UGT1A8: variants seen among roughly 807,000 people sequenced by gnomAD.
The protein encoded by UGT1A8 is UDP glucuronosyltransferase family 1 member A8.
Under a neutral mutation model 45.3 loss-of-function variants are expected in UGT1A8, and 39 were observed. The ratio of observed to expected loss-of-function variants is 0.86; its 90% confidence interval spans 0.67 to 1.12. The LOEUF (loss-of-function observed/expected upper bound fraction) is 1.12, where lower values mean the gene tolerates loss of function less well. Ranked by LOEUF, UGT1A8 falls within the 50% of genes most tolerant of loss-of-function variation. The pLI, the probability that UGT1A8 is intolerant of heterozygous loss-of-function variation, is 0.00. For synonymous variants in UGT1A8, 275 were observed against 249.2 expected, an observed-to-expected ratio of 1.10 and a Z score of -0.97; for missense variants, 719 against 664.9, an observed-to-expected ratio of 1.08 and a Z score of -0.90.
At chr2:233,681,875 T>C (rs2074543117) in intron 1 of UGT1A8, 9 of 1,544,408 alleles carry the variant, frequency 5.8e-6, no homozygotes, top group Non-Finnish European at 7.0e-6. Context: ...TCTGTACTTC[T>C]TCCACTTACT....
At position 233,725,198 on chromosome 2, in the gene UGT1A8, A is replaced by G. The variant is rs1414997731; in HGVS notation, c.856-41836A>G. The stretch of plus-strand genomic sequence containing the variant: ...CGTGGGGAGAGGCAGAGGCAGAGGC[A>G]GAGGCAGAGGCAGAGGCAGAGGAGG... On this transcript the variant is annotated intron_variant, in intron 1 of 4. Coordinates refer to ENST00000373450, the MANE Select transcript of UGT1A8 (RefSeq NM_019076.5). Among the ~76,000 whole-genome samples, 47 of 86,252 alleles carry G rather than the reference A, an allele frequency of 5.4e-4. 1 individual carries two copies. The highest frequency in any genetic ancestry group is 5.3e-3 in the Middle Eastern group (1 of 188). 56.6% of individuals were successfully genotyped at this position (86,252 alleles called of 152,430 possible). A position where few individuals can be genotyped will look rare whatever the true frequency, so the allele number is the denominator to read the frequency against.
At chr2:233,647,262 G>A (rs2073629927) in intron 1 of UGT1A8, among the ~76,000 whole-genome samples, 1 of 152,162 alleles carries the variant, frequency 6.6e-6, no homozygotes, top group Non-Finnish European at 1.5e-5. Context: ...TGGGGACACA[G>A]CCAAACCATA....
chr2:233,725,124 C>T (rs1317308405), intron 1 of UGT1A8, among the ~76,000 whole-genome samples: 3 of 137,634 alleles, frequency 2.2e-5, no homozygotes, highest in Admixed American at 7.2e-5. Context: ...TGCAGTGAGC[C>T]GAGATGGCAG....
chr2:233,747,973 T>C, intron 1 of UGT1A8: 1 of 1,613,528 alleles, frequency 6.2e-7, no homozygotes, highest in East Asian at 2.2e-5. Flanking sequence ...CATGCATCTG[T>C]GTGGCTGTTC....
intron 1 of UGT1A8, among the ~76,000 whole-genome samples, chr2:233,751,139 G>A (rs1273905721): frequency 6.6e-6 from 1 of 151,986 alleles, no homozygotes; most frequent in East Asian, 1.9e-4. Context: ...TGAGACTGTG[G>A]GAGCCCACTT....
intron 1 of UGT1A8, among the ~76,000 whole-genome samples, chr2:233,752,797 G>C (rs766471839): frequency 2.6e-5 from 4 of 152,148 alleles, no homozygotes; most frequent in Non-Finnish European, 5.9e-5. Flanking sequence ...TTACACTTCT[G>C]TAGAAGGAAC....
intron 1 of UGT1A8, among the ~76,000 whole-genome samples, chr2:233,645,304 G>A (rs2073570842): frequency 6.6e-6 from 1 of 152,144 alleles, no homozygotes; most frequent in Non-Finnish European, 1.5e-5. Flanking sequence ...TACAATTCAA[G>A]ATGAGATTTA....
chr2:233,626,265 A>G (rs1290882454), intron 1 of UGT1A8, among the ~76,000 whole-genome samples: 1 of 152,046 alleles, frequency 6.6e-6, no homozygotes, highest in Non-Finnish European at 1.5e-5. Context: ...GCAGTCTTAA[A>G]TAACTGGAAG....
chr2:233,656,064 G>A (rs1338047701), intron 1 of UGT1A8, among the ~76,000 whole-genome samples: 1 of 152,180 alleles, frequency 6.6e-6, no homozygotes, highest in African/African-American at 2.4e-5. Flanking sequence ...GAGAAGGGAT[G>A]GGGTAGGAGC....
chr2:233,754,383 A>G (rs1695465574), intron 1 of UGT1A8: 2 of 292,680 alleles, frequency 6.8e-6, no homozygotes, highest in South Asian at 6.9e-5. Flanking sequence ...AAAGACAAAC[A>G]GAGGTCCTAT....
chr2:233,719,253 T>A (rs757974973), intron 1 of UGT1A8: 2 of 1,614,038 alleles, frequency 1.2e-6, no homozygotes, highest in African/African-American at 2.7e-5. Flanking sequence ...GAATGCTACT[T>A]CCTTTGATGT....
At chr2:233,697,112 T>C (rs1309108464) in intron 1 of UGT1A8, among the ~76,000 whole-genome samples, 2 of 152,140 alleles carry the variant, frequency 1.3e-5, no homozygotes, top group African/African-American at 2.4e-5. Context: ...TTGGAAGTAT[T>C]CTCTCCTCTT....
At chr2:233,754,989 C>T (rs749655557) in intron 1 of UGT1A8, 7 of 1,296,678 alleles carry the variant, frequency 5.4e-6, no homozygotes, top group Admixed American at 1.9e-5. Context: ...GGCGGGGTCA[C>T]GGAAGCTGAA....
In UGT1A8 at chr2:233,769,970, G is replaced by A. The variant is rs1018671340; in HGVS notation, c.1295+1531G>A. On this transcript the variant is annotated intron_variant, in intron 4 of 4. Coordinates refer to ENST00000373450, the MANE Select transcript of UGT1A8 (RefSeq NM_019076.5). The surrounding 1 kb of genome is among the most constrained non-coding windows in gnomAD (Gnocchi z 4.4). ...AGCGGCTTCTTCTGGCCACCTCAAT[G>A]TCAGGATGTCCTGCTCACATATCAA... 2.9e-5 allele frequency: 6 copies of A among 208,668 alleles called. No individual in the cohort carries two copies. The highest frequency in any genetic ancestry group is 2.2e-4 in the South Asian group (2 of 9,026). The allele number at this position is 208,668 out of a possible 1,614,324, so 12.9% of individuals were successfully genotyped here.
chr2:233,767,244 T>A, intron 2 of UGT1A8, 79 bp downstream of exon 2: 13 of 1,606,204 alleles, frequency 8.1e-6, no homozygotes, highest in Non-Finnish European at 1.1e-5. Context: ...CCAGATTAAT[T>A]CTCTTAATTG....
intron 1 of UGT1A8, among the ~76,000 whole-genome samples, chr2:233,640,304 C>T (rs990931136): frequency 6.6e-6 from 1 of 151,906 alleles, no homozygotes; most frequent in Admixed American, 6.5e-5. Flanking sequence ...TCATCTATCC[C>T]CTTATTCTGA....
At chr2:233,727,027 T>C (rs1038616426) in intron 1 of UGT1A8, among the ~76,000 whole-genome samples, 3 of 152,346 alleles carry the variant, frequency 2.0e-5, no homozygotes, top group African/African-American at 7.2e-5. Flanking sequence ...TTTTGTACCC[T>C]AAGGAATCTT....
intron 1 of UGT1A8, among the ~76,000 whole-genome samples, chr2:233,665,050 G>A (rs1575410577): frequency 6.6e-6 from 1 of 152,078 alleles, no homozygotes; most frequent in Non-Finnish European, 1.5e-5. Context: ...TTCATTTTTT[G>A]AAATTATTTT....
intron 1 of UGT1A8, chr2:233,721,797 A>C (rs7597496): frequency 3.9e-6 from 2 of 511,786 alleles, no homozygotes; most frequent in African/African-American, 3.9e-5. Context: ...TTTAAAGCAC[A>C]TGCAGCAAAA....
Sources: allele counts gnomAD v4.1 joint callset (sites outside exome capture counted in the v4.1 genomes callset), GRCh38; gene constraint gnomAD v4.1.1; non-coding constraint Gnocchi (gnomAD v3.1); transcripts MANE v1.5; gene names NCBI Gene and HGNC (gene_info 2026-07-23, HGNC 2026-07-21).